PDZD7: variants seen among roughly 807,000 people sequenced by gnomAD.
PDZD7 encodes the protein PDZ domain containing 7, also known as PDZ domain-containing protein 7.
PDZD7 carries 72 observed loss-of-function variants against 84.7 expected under a neutral mutation model. The ratio of observed to expected loss-of-function variants is 0.85; its 90% confidence interval spans 0.70 to 1.03. PDZD7 has a LOEUF of 1.03. PDZD7 is among the 50% of genes least tolerant of loss of function. PDZD7 has a pLI of 0.00. For missense variants in PDZD7, 1,490 were observed against 1,412.9 expected (o/e 1.05, Z -0.87); for synonymous variants, 594 against 580.7 (o/e 1.02, Z -0.33).
intron 6 of PDZD7, 48 bp from the exon 7 acceptor site, chr10:101,020,726 G>A (rs1325920509): frequency 1.4e-6 from 2 of 1,464,062 alleles, no homozygotes. Context: ...GCAGTGAGGA[G>A]GGAGAGTGAG....
chr10:101,009,561 C>T (rs1430444287), intron 15 of PDZD7, among the ~76,000 whole-genome samples: 8 of 151,292 alleles, frequency 5.3e-5, no homozygotes, highest in Non-Finnish European at 1.0e-4. Context: ...CCCAATACCC[C>T]AAATTCCCTT....
rs1362354438 is a variant in PDZD7, at chr10:101,020,648, TCTC to T, written c.895_897del (p.Glu299del). ...TCCAGCCAGCAGTACTCAGAAACCA[TCTC>T]CTTGTAGGCAGGATACCGGCCGGTC... On this transcript the variant is annotated inframe_deletion, in exon 7 of 17. Coordinates refer to ENST00000619208, the MANE Select transcript of PDZD7 (RefSeq NM_001195263.2). 1.9e-6 allele frequency: 3 copies of T among 1,613,546 alleles called. No homozygotes were observed. The highest frequency in any genetic ancestry group is 2.5e-6 in the Non-Finnish European group (3 of 1,179,886).
At chr10:101,027,202 C>T (rs1937763991) in intron 2 of PDZD7, among the ~76,000 whole-genome samples, 1 of 152,204 alleles carries the variant, frequency 6.6e-6, no homozygotes, top group Non-Finnish European at 1.5e-5. Flanking sequence ...CCAGTCTCCT[C>T]ACCATGCCCT....
In PDZD7 at chr10:101,011,931, T is replaced by A; in HGVS notation, c.1927A>T (p.Arg643Trp). Residue 643 changes from arginine (R) to tryptophan (W), a missense_variant, in exon 13 of 17, where the codon AGG becomes TGG. Coordinates refer to ENST00000619208, the MANE Select transcript of PDZD7 (RefSeq NM_001195263.2). ...ELEAFEALKS[R>W]AVRPPALRPA... ...CCCGCCCCCCACTGCTGACCTGCCC[T>A]GCTCTTGAGGGCCTCAAAAGCCTCC... is the stretch of plus-strand genomic sequence containing the variant. 1 of 1,550,216 alleles carries A rather than the reference T, an allele frequency of 6.5e-7. No homozygotes were observed. Among genetic ancestry groups the A allele is most frequent in the Non-Finnish European group, 8.7e-7 (1 of 1,146,960 alleles).
chr10:101,022,754 G>C (rs1371440250), intron 4 of PDZD7, among the ~76,000 whole-genome samples: 1 of 151,868 alleles, frequency 6.6e-6, no homozygotes, highest in African/African-American at 2.4e-5. Flanking sequence ...TGCCCACCAT[G>C]CCCAGTTTTT....
chr10:101,029,157 A>G (rs1172818677), intron 2 of PDZD7, among the ~76,000 whole-genome samples: 14 of 152,208 alleles, frequency 9.2e-5, no homozygotes, highest in Admixed American at 9.2e-4. Context: ...TGTCTTGCTC[A>G]TCAGCTGTTA....
chr10:101,015,958 T>C, intron 10 of PDZD7, 147 bp from the exon 11 acceptor site: 1 of 835,884 alleles, frequency 1.2e-6, no homozygotes, highest in African/African-American at 1.7e-5. Context: ...CACAGCAACC[T>C]GCCCACCAAT....
At chr10:101,016,790 G>C (rs1852649891) in intron 9 of PDZD7, among the ~76,000 whole-genome samples, 1 of 152,172 alleles carries the variant, frequency 6.6e-6, no homozygotes, top group South Asian at 2.1e-4. Context: ...GGAGTGGCCA[G>C]AGAGGTGGGA....
At chr10:101,024,428 G>A (rs570452513) in intron 2 of PDZD7, among the ~76,000 whole-genome samples, 2 of 149,448 alleles carry the variant, frequency 1.3e-5, no homozygotes, top group African/African-American at 5.1e-5. Flanking sequence ...ATTTTTTGTA[G>A]AGGCAGGGTC....
At chr10:101,016,135 C>A (rs1332081570) in intron 10 of PDZD7, among the ~76,000 whole-genome samples, 1 of 152,198 alleles carries the variant, frequency 6.6e-6, no homozygotes, top group East Asian at 1.9e-4. Context: ...CCAAATATAT[C>A]TTTGGGAGTC....
chr10:101,028,646 A>G (rs1053928124), intron 2 of PDZD7, among the ~76,000 whole-genome samples: 1 of 151,970 alleles, frequency 6.6e-6, no homozygotes, highest in African/African-American at 2.4e-5. Flanking sequence ...TGCATCATAC[A>G]TGGGCAAAGG....
chr10:101,010,564 G>A lies in PDZD7; in HGVS notation c.2325C>T (p.Arg775=), dbSNP rs1413501512. The A allele has an allele frequency of 2.1e-5, 30 of 1,459,738 alleles. No individual in the cohort carries two copies. The highest frequency in any genetic ancestry group is 3.6e-4 in the Middle Eastern group (2 of 5,574). The allele number at this position is 1,459,738 out of a possible 1,614,324, so 90.4% of individuals were successfully genotyped here. A position where few individuals can be genotyped will look rare whatever the true frequency, so the allele number is the denominator to read the frequency against. ...QIRGRAQSRS[R]SRSRSRSRSS... Reference sequence around the variant, plus strand: ...TGCGGCTGCGGCTGCGGCTACGGCTGCGGCTACGGCTCTGAGCCCGGCCCC... The same window carrying A: ...TGCGGCTGCGGCTGCGGCTACGGCTACGGCTACGGCTCTGAGCCCGGCCCC... Residue 775 remains arginine (R), a synonymous_variant, in exon 15 of 17, where the codon CGC becomes CGT. Transcript: ENST00000619208.
Position 101,010,607 on chromosome 10 carries a change from G to C in PDZD7, c.2282C>G (p.Pro761Arg). Residue 761 changes from proline to arginine, a missense_variant, in exon 15 of 17, where the codon CCT becomes CGT. Pro to Arg is a moderately radical substitution (Grantham distance 103, BLOSUM62 -2). Coordinates refer to ENST00000619208, the MANE Select transcript of PDZD7 (RefSeq NM_001195263.2). ...LLTEPLSREH[P>R]PQSQIRGRAQ... ...CCGGCCCCGGATCTGGCTCTGCGGA[G>C]GGTGCTCTCGGCTCAGGGGTTCTGT... The C allele has an allele frequency of 6.6e-7, 1 of 1,505,694 alleles. No individual in the cohort carries two copies. Among genetic ancestry groups the C allele is most frequent in the Non-Finnish European group, 8.9e-7 (1 of 1,128,098 alleles). The allele number at this position is 1,505,694 out of a possible 1,614,324, so 93.3% of individuals were successfully genotyped here.
chr10:101,011,582 C>T, intron 14 of PDZD7, 108 bp downstream of exon 14: 1 of 1,483,638 alleles, frequency 6.7e-7, no homozygotes, highest in African/African-American at 1.4e-5. Context: ...CACAATGTGC[C>T]TGGAAGCCAC....
chr10:101,022,346 G>A lies in PDZD7; in HGVS notation c.582C>T (p.Cys194=), dbSNP rs137967850. The A allele has an allele frequency of 7.8e-5, 126 of 1,614,140 alleles. 1 individual carries two copies. In the South Asian group the frequency reaches 1.1e-3, roughly 14 times the overall value. ...AGCTGGTGTCGGAGGGTGTTGAACC[G>A]CACTTCTCCACTACCAGGCGCCGAT... The part of the protein sequence containing the change: ...VVNRRLVVEK[C]GSTPSDTSSE... The change falls in exon 5 of 17, where the codon TGC becomes TGT. Residue 194 remains cysteine (C), a synonymous_variant. Transcript: ENST00000619208.
At chr10:101,027,593 C>T (rs945658776) in intron 2 of PDZD7, among the ~76,000 whole-genome samples, 1 of 152,210 alleles carries the variant, frequency 6.6e-6, no homozygotes, top group African/African-American at 2.4e-5. Flanking sequence ...TGGGACTGAG[C>T]CCTGCAATCT....
chr10:101,008,331 G>T lies in PDZD7; in HGVS notation c.*136C>A. 1.1e-6 allele frequency: 1 copy of T among 908,850 alleles called. No individual in the cohort carries two copies. Among genetic ancestry groups the T allele is most frequent in the South Asian group, 1.8e-5 (1 of 55,914 alleles). 56.3% of individuals were successfully genotyped at this position (908,850 alleles called of 1,614,324 possible). On this transcript the variant is annotated 3_prime_UTR_variant, in exon 17 of 17. Transcript: ENST00000619208. ...AGCTGAGGAGGGAAGAAAGTGGAAA[G>T]ATGTGAGCCACCAGTGTGGCACTGG...
chr10:101,016,321 C>G (rs1852624801), intron 10 of PDZD7, 56 bp downstream of exon 10: 1 of 1,534,390 alleles, frequency 6.5e-7, no homozygotes, highest in South Asian at 1.2e-5. Flanking sequence ...CCAGTATGCA[C>G]CCTCATCTGC....
At chr10:101,021,683 T>A in intron 6 of PDZD7, 115 bp downstream of exon 6, 7 of 1,486,652 alleles carry the variant, frequency 4.7e-6, no homozygotes, top group Non-Finnish European at 6.6e-6. Context: ...AATGCCTGTC[T>A]ACCTTCTAGT....
Sources: allele counts gnomAD v4.1 joint callset (sites outside exome capture counted in the v4.1 genomes callset), GRCh38; gene constraint gnomAD v4.1.1; transcripts MANE v1.5; gene names NCBI Gene and HGNC (gene_info 2026-07-23, HGNC 2026-07-21).